Variants in MAST4 observed in about 807,000 individuals in gnomAD.
MAST4 encodes microtubule associated serine/threonine kinase family member 4.
MAST4 carries 89 observed loss-of-function variants against 162.7 expected under a neutral mutation model. The observed-to-expected ratio is 0.55, with a 90% confidence interval of 0.46 to 0.65. MAST4 has a LOEUF of 0.65. Among genes scored for constraint, MAST4 ranks in the 30% least tolerant of loss-of-function variants. MAST4 has a pLI of 0.00. For synonymous variants in MAST4, 1,479 were observed against 1,361.1 expected (o/e 1.09, Z -1.91); for missense variants, 3,153 against 3,374.0 (o/e 0.93, Z 1.62).
chr5:66,849,403 G>A (rs1266665031), intron 3 of MAST4, among the ~76,000 whole-genome samples: 2 of 152,008 alleles, frequency 1.3e-5, no homozygotes, highest in Non-Finnish European at 2.9e-5. Flanking sequence ...CCCTCCTCCT[G>A]TCTATTCTCC....
intron 3 of MAST4, among the ~76,000 whole-genome samples, chr5:66,855,004 T>C (rs957864282): frequency 3.9e-5 from 6 of 152,234 alleles, no homozygotes; most frequent in Admixed American, 6.5e-5. Flanking sequence ...CTTCATCCTG[T>C]TTATTTTTGT....
intron 2 of MAST4, among the ~76,000 whole-genome samples, chr5:66,773,496 T>C (rs1005653069): frequency 6.6e-6 from 1 of 152,234 alleles, no homozygotes; most frequent in African/African-American, 2.4e-5. Context: ...TATTGAAATG[T>C]CTGTTTCCTT....
rs891361120 is a variant in MAST4 at position 66,686,953 on chromosome 5, A to C, written c.364-72756A>C. Among the ~76,000 whole-genome samples, 4 of 152,320 alleles carry C rather than the reference A, an allele frequency of 2.6e-5. No homozygotes were observed. The South Asian group carries it at 6.2e-4, about 24-fold the overall frequency. ...AAAAAATTTATTTCTAGGGGTTTTC[A>C]ACTTTTGTCATTTGTAAGACTGAAA... On this transcript the variant is annotated intron_variant, in intron 1 of 28. Transcript: ENST00000403625.
intron 1 of MAST4, among the ~76,000 whole-genome samples, chr5:66,659,691 A>G (rs1469411376): frequency 6.6e-6 from 1 of 152,212 alleles, no homozygotes; most frequent in Non-Finnish European, 1.5e-5. Flanking sequence ...CATGTCTTTC[A>G]TAGACTCTAG....
intron 1 of MAST4, among the ~76,000 whole-genome samples, chr5:66,620,424 A>T (rs777807020): frequency 6.6e-6 from 1 of 152,212 alleles, no homozygotes; most frequent in Non-Finnish European, 1.5e-5. Flanking sequence ...AATAATAAAA[A>T]GTATCATTGT....
chr5:67,050,182 T>C (rs1254743401), intron 4 of MAST4, among the ~76,000 whole-genome samples: 1 of 152,190 alleles, frequency 6.6e-6, no homozygotes, highest in African/African-American at 2.4e-5. Context: ...TCTTAGCAAA[T>C]GGGAGGTGCT....
chr5:66,915,236 A>G (rs967008904), intron 4 of MAST4, among the ~76,000 whole-genome samples: 9 of 147,162 alleles, frequency 6.1e-5, no homozygotes, highest in Admixed American at 3.5e-4. Flanking sequence ...ACTGCATTCC[A>G]GCCTGGGCTT....
intron 1 of MAST4, among the ~76,000 whole-genome samples, chr5:66,726,608 G>A (rs1414864649): frequency 2.6e-5 from 4 of 152,046 alleles, no homozygotes; most frequent in Non-Finnish European, 5.9e-5. Context: ...AGTCAGGTCT[G>A]CATTTCAAAT....
Position 66,781,852 on chromosome 5 carries a change from G to A in MAST4, c.518-6818G>A, listed in dbSNP as rs761785062. On this transcript the variant is annotated intron_variant, in intron 2 of 28. Transcript: ENST00000403625. ...TTAATGGAAGCTTTCAAATCTAATC[G>A]GGTACCATTATTCCCCAGTGATAAA... is the stretch of plus-strand genomic sequence containing the variant. Among the ~76,000 whole-genome samples the A allele has an allele frequency of 3.9e-5, 6 of 152,006 alleles. No homozygotes were observed. The East Asian group carries it at 5.8e-4, about 15-fold the overall frequency.
At chr5:67,120,082 T>C (rs1767392986) in intron 13 of MAST4, among the ~76,000 whole-genome samples, 1 of 152,228 alleles carries the variant, frequency 6.6e-6, no homozygotes, top group African/African-American at 2.4e-5. Flanking sequence ...TAGATCCAGA[T>C]CTTAGGGCCA....
At chr5:66,697,303 A>C (rs1749469139) in intron 1 of MAST4, among the ~76,000 whole-genome samples, 2 of 152,230 alleles carry the variant, frequency 1.3e-5, no homozygotes, top group African/African-American at 4.8e-5. Context: ...AGTATTTTCC[A>C]AGTGACCGAT....
chr5:66,638,616 A>G (rs1390766447), intron 1 of MAST4, among the ~76,000 whole-genome samples: 1 of 152,206 alleles, frequency 6.6e-6, no homozygotes. Flanking sequence ...TTTATACCAT[A>G]CTTTAAATAA....
chr5:67,027,917 C>T (rs1754855183), intron 4 of MAST4, among the ~76,000 whole-genome samples: 1 of 152,120 alleles, frequency 6.6e-6, no homozygotes, highest in East Asian at 1.9e-4. Context: ...TTCATTAATT[C>T]AGTAATATCA....
At chr5:66,671,471 C>G (rs769003556) in intron 1 of MAST4, among the ~76,000 whole-genome samples, 2 of 152,152 alleles carry the variant, frequency 1.3e-5, no homozygotes, top group Non-Finnish European at 2.9e-5. Flanking sequence ...TTTTCTTGGT[C>G]GGAACTGACT....
chr5:66,676,480 A>T (rs1381418056), intron 1 of MAST4, among the ~76,000 whole-genome samples: 3 of 152,208 alleles, frequency 2.0e-5, no homozygotes, highest in Admixed American at 6.5e-5. Context: ...TCACAAGGCT[A>T]TTGAAAATTT....
chr5:66,752,372 C>A (rs1359419611), intron 1 of MAST4, among the ~76,000 whole-genome samples: 1 of 149,320 alleles, frequency 6.7e-6, no homozygotes, highest in Admixed American at 6.6e-5. Flanking sequence ...GAGTCCAGAC[C>A]CATCAGTGGG....
At chr5:66,897,583 A>G (rs973944018) in intron 3 of MAST4, among the ~76,000 whole-genome samples, 2 of 152,172 alleles carry the variant, frequency 1.3e-5, no homozygotes, top group African/African-American at 2.4e-5. Flanking sequence ...TCTGATTCCA[A>G]TTTGCTACCA....
At chr5:66,854,673 T>A (rs1759546362) in intron 3 of MAST4, among the ~76,000 whole-genome samples, 1 of 151,990 alleles carries the variant, frequency 6.6e-6, no homozygotes, top group Non-Finnish European at 1.5e-5. Flanking sequence ...TGTAACCTAA[T>A]CTGGGAAGTG....
At chr5:66,950,037 G>A (rs1177776923) in intron 4 of MAST4, among the ~76,000 whole-genome samples, 4 of 152,044 alleles carry the variant, frequency 2.6e-5, no homozygotes, top group Non-Finnish European at 5.9e-5. Context: ...ACTGCAACCA[G>A]CACATAGGAA....
Sources: allele counts gnomAD v4.1 joint callset (sites outside exome capture counted in the v4.1 genomes callset), GRCh38; gene constraint gnomAD v4.1.1; transcripts MANE v1.5; gene names NCBI Gene and HGNC (gene_info 2026-07-23, HGNC 2026-07-21).